Variants in PDE4B observed in about 807,000 individuals in gnomAD.
The protein encoded by PDE4B is 3',5'-cyclic-AMP phosphodiesterase 4B.
In PDE4B, 20 loss-of-function variants were observed where a neutral mutation model predicts 82.2. The observed-to-expected ratio is 0.24, with a 90% CI of 0.17 to 0.35. PDE4B has a LOEUF of 0.35. Ranked by LOEUF, PDE4B falls within the 10% of genes least tolerant of loss-of-function variation. The probability of loss-of-function intolerance (pLI) is 1.00; values close to 1 mark genes in which losing one functional copy is unlikely to be tolerated. For missense variants in PDE4B, 655 were observed against 907.2 expected, an observed-to-expected ratio of 0.72 and a Z score of 3.57; for synonymous variants, 320 against 318.9, an observed-to-expected ratio of 1.00 and a Z score of -0.04.
At chr1:65,860,176 G>T (rs1208749056) in intron 1 of PDE4B, among the ~76,000 whole-genome samples, 1 of 151,960 alleles carries the variant, frequency 6.6e-6, no homozygotes, top group African/African-American at 2.4e-5. Context: ...TTAGCTATTT[G>T]TCATAATACT....
chr1:65,940,672 C>T (rs1233837673), intron 3 of PDE4B, among the ~76,000 whole-genome samples: 4 of 151,988 alleles, frequency 2.6e-5, no homozygotes, highest in Non-Finnish European at 4.4e-5. Flanking sequence ...ATCAATCATG[C>T]TTTTTGCTTG....
chr1:66,006,112 A>C (rs1272413196), intron 3 of PDE4B, among the ~76,000 whole-genome samples: 2 of 152,188 alleles, frequency 1.3e-5, no homozygotes, highest in East Asian at 3.9e-4. Context: ...AAAATACATT[A>C]ATGAATTTTG....
intron 1 of PDE4B, among the ~76,000 whole-genome samples, chr1:65,891,916 C>T (rs1218978677): frequency 6.6e-6 from 1 of 151,822 alleles, no homozygotes; most frequent in Admixed American, 6.6e-5. Context: ...TGGATACTGC[C>T]CGAGATGATC....
At chr1:66,151,913 A>G (rs1012462485) in intron 3 of PDE4B, among the ~76,000 whole-genome samples, 2 of 152,212 alleles carry the variant, frequency 1.3e-5, no homozygotes, top group Admixed American at 1.3e-4. Context: ...GTACTTCTCT[A>G]TGTTTCTTAT....
At chr1:66,309,308 A>T (rs1274558932) in intron 7 of PDE4B, among the ~76,000 whole-genome samples, 1 of 152,238 alleles carries the variant, frequency 6.6e-6, no homozygotes, top group Non-Finnish European at 1.5e-5. Context: ...AATGCAGACA[A>T]GTACATGATT....
intron 7 of PDE4B, among the ~76,000 whole-genome samples, chr1:66,285,607 G>A (rs1656621631): frequency 6.6e-6 from 1 of 152,008 alleles, no homozygotes; most frequent in Non-Finnish European, 1.5e-5. Flanking sequence ...TTGATTTTCT[G>A]TTTCTGAGTT....
At chr1:66,271,713 G>A (rs1655493288) in intron 7 of PDE4B, among the ~76,000 whole-genome samples, 1 of 152,160 alleles carries the variant, frequency 6.6e-6, no homozygotes, top group Admixed American at 6.5e-5. Context: ...TGTTTTGTGT[G>A]CAAAAGCATC....
chr1:65,892,472 C>T (rs1378481715), intron 1 of PDE4B, among the ~76,000 whole-genome samples: 1 of 152,064 alleles, frequency 6.6e-6, no homozygotes, highest in African/African-American at 2.4e-5. Context: ...GCCTTATAGT[C>T]TTGAAAGTCA....
intron 3 of PDE4B, among the ~76,000 whole-genome samples, chr1:65,948,949 A>G (rs1041654281): frequency 6.6e-6 from 1 of 152,024 alleles, no homozygotes; most frequent in Non-Finnish European, 1.5e-5. Context: ...TTGAATATTC[A>G]TATTCAAATA....
At chr1:66,315,649 C>G (rs1038142145) in intron 7 of PDE4B, among the ~76,000 whole-genome samples, 1 of 151,942 alleles carries the variant, frequency 6.6e-6, no homozygotes, top group Non-Finnish European at 1.5e-5. Context: ...TAATAGAGAC[C>G]GGATTTCACC....
chr1:66,274,186 G>A (rs566329959), intron 7 of PDE4B, among the ~76,000 whole-genome samples: 4 of 150,022 alleles, frequency 2.7e-5, no homozygotes, highest in Admixed American at 2.6e-4. Context: ...TTGAGATAGA[G>A]TTTCACTCTT....
At chr1:65,828,356 C>T (rs758032483) in intron 1 of PDE4B, among the ~76,000 whole-genome samples, 3 of 152,130 alleles carry the variant, frequency 2.0e-5, no homozygotes, top group African/African-American at 4.8e-5. Flanking sequence ...AGCCATTCTC[C>T]TGCCTCAGTC....
At chr1:66,170,128 C>A (rs1269647365) in intron 3 of PDE4B, among the ~76,000 whole-genome samples, 1 of 152,100 alleles carries the variant, frequency 6.6e-6, no homozygotes, top group African/African-American at 2.4e-5. Flanking sequence ...ATATGAATAG[C>A]GTACCAGCTT....
intron 8 of PDE4B, among the ~76,000 whole-genome samples, chr1:66,353,940 G>A (rs598961): frequency 0.48 from 72,980 of 151,904 alleles, 17,912 homozygotes; most frequent in East Asian, 0.67. Context: ...TACATTTGTC[G>A]AATGCAATCT....
chr1:65,893,081 C>T (rs1387850006), intron 1 of PDE4B, among the ~76,000 whole-genome samples: 3 of 151,956 alleles, frequency 2.0e-5, no homozygotes, highest in African/African-American at 7.2e-5. Flanking sequence ...AGAGAAGTAT[C>T]TAGGAGGCAT....
At chr1:66,241,769 A>T (rs1652910807) in intron 3 of PDE4B, among the ~76,000 whole-genome samples, 1 of 152,094 alleles carries the variant, frequency 6.6e-6, no homozygotes, top group Non-Finnish European at 1.5e-5. Context: ...TTATAGAAAC[A>T]TTTTCTGTAA....
At chr1:66,020,722 A>C (rs1357361892) in intron 3 of PDE4B, among the ~76,000 whole-genome samples, 2 of 152,138 alleles carry the variant, frequency 1.3e-5, no homozygotes, top group Non-Finnish European at 2.9e-5. Context: ...TCATTGATGG[A>C]CATTTGGGTT....
At chr1:66,039,114 G>C (rs1349055115) in intron 3 of PDE4B, among the ~76,000 whole-genome samples, 20 of 151,890 alleles carry the variant, frequency 1.3e-4, no homozygotes, top group Non-Finnish European at 2.9e-5. Context: ...TTTCTCATGG[G>C]CTTGGAGAGT....
chr1:66,242,489 G>C (rs922414359), intron 3 of PDE4B, among the ~76,000 whole-genome samples: 4 of 152,314 alleles, frequency 2.6e-5, no homozygotes, highest in South Asian at 2.1e-4. Flanking sequence ...GGTTCACCTA[G>C]AGAATGACTA....
Sources: allele counts gnomAD v4.1 joint callset (sites outside exome capture counted in the v4.1 genomes callset), GRCh38; gene constraint gnomAD v4.1.1; transcripts MANE v1.5; gene names NCBI Gene and HGNC (gene_info 2026-07-23, HGNC 2026-07-21).